The following SARNP variants were observed in gnomAD, a reference collection of about 807,000 sequenced individuals.
The protein encoded by SARNP is SAP domain-containing ribonucleoprotein.
SARNP carries 5 observed loss-of-function variants against 38.1 expected under a neutral mutation model. The ratio of observed to expected loss-of-function variants is 0.13; its 90% CI spans 0.07 to 0.28. The LOEUF is 0.28. Among genes scored for constraint, SARNP ranks in the 10% least tolerant of loss-of-function variants. The probability of loss-of-function intolerance (pLI) is 1.00; values close to 1 mark genes in which losing one functional copy is unlikely to be tolerated. For synonymous variants in SARNP, 84 were observed against 80.6 expected (o/e 1.04, Z -0.23); for missense variants, 180 against 243.9 (o/e 0.74, Z 1.75).
At chr12:55,798,423 G>A (rs967493378) in intron 4 of SARNP, among the ~76,000 whole-genome samples, 9 of 152,184 alleles carry the variant, frequency 5.9e-5, no homozygotes, top group African/African-American at 1.4e-4. Flanking sequence ...TGCTTGAGCC[G>A]GGAAACGGAG....
At chr12:55,788,830 T>A (rs527241203) in intron 9 of SARNP, among the ~76,000 whole-genome samples, 1 of 152,062 alleles carries the variant, frequency 6.6e-6, no homozygotes, top group East Asian at 1.9e-4. Flanking sequence ...AAAAGAAATG[T>A]AGACCACGCT....
intron 10 of SARNP, 62 bp downstream of exon 10, chr12:55,760,489 A>C: frequency 1.1e-6 from 1 of 890,154 alleles, no homozygotes; most frequent in Non-Finnish European, 1.9e-6. Flanking sequence ...ATATTTCTCC[A>C]TTCAGTTTAT....
chr12:55,785,755 G>A (rs1879472522), intron 9 of SARNP, among the ~76,000 whole-genome samples: 1 of 148,198 alleles, frequency 6.7e-6, no homozygotes, highest in South Asian at 2.2e-4. Context: ...CAGCCTGGGT[G>A]ACAGAACAAA....
chr12:55,788,985 A>G, intron 9 of SARNP, 90 bp downstream of exon 9: 1 of 813,344 alleles, frequency 1.2e-6, no homozygotes, highest in Non-Finnish European at 2.1e-6. Flanking sequence ...GTAGCCAGCT[A>G]CATTCTCAGG....
chr12:55,757,924 T>C (rs1338253445), intron 10 of SARNP, among the ~76,000 whole-genome samples: 3 of 152,056 alleles, frequency 2.0e-5, no homozygotes, highest in Non-Finnish European at 4.4e-5. Context: ...TTCCAGTCAA[T>C]GGGGAGACGG....
At chr12:55,796,814 T>C (rs1458305882) in intron 4 of SARNP, among the ~76,000 whole-genome samples, 1 of 152,218 alleles carries the variant, frequency 6.6e-6, no homozygotes, top group Admixed American at 6.5e-5. Context: ...TTTCCTTCTT[T>C]TAAAAATCCC....
At chr12:55,810,162 G>A (rs1239950191) in intron 1 of SARNP, among the ~76,000 whole-genome samples, 1 of 152,132 alleles carries the variant, frequency 6.6e-6, no homozygotes, top group African/African-American at 2.4e-5. Flanking sequence ...GCCCAGACTG[G>A]AATGCAGCAG....
At chr12:55,789,472 T>C (rs1879599440) in intron 8 of SARNP, among the ~76,000 whole-genome samples, 1 of 152,154 alleles carries the variant, frequency 6.6e-6, no homozygotes, top group African/African-American at 2.4e-5. Flanking sequence ...CCATTCACAA[T>C]CCAAAATCAT....
intron 9 of SARNP, among the ~76,000 whole-genome samples, chr12:55,763,384 T>C (rs1379817151): frequency 1.5e-4 from 23 of 151,640 alleles, no homozygotes; most frequent in Non-Finnish European, 3.2e-4. Context: ...CCATCTTGGC[T>C]CAATGCAGTC....
rs1423979428 is a variant in SARNP at position 55,800,545 on chromosome 12, A to T, written c.251+17T>A. On this transcript the variant is annotated intron_variant, in intron 4 of 10. Transcript: ENST00000336133. ...GCTGCCTGCTCTGTACTCAGATTAT[A>T]AAAAAGGGATAATTACACATCAACA... is the stretch of plus-strand genomic sequence containing the variant. 2 of 1,540,900 alleles carry T rather than the reference A, an allele frequency of 1.3e-6. No individual in the cohort carries two copies. The highest frequency in any genetic ancestry group is 2.3e-5 in the South Asian group (2 of 87,564).
chr12:55,767,004 T>C (rs1355634929), intron 9 of SARNP, among the ~76,000 whole-genome samples: 1 of 152,166 alleles, frequency 6.6e-6, no homozygotes. Flanking sequence ...TATTTTCCAT[T>C]GTAGAATACA....
intron 7 of SARNP, among the ~76,000 whole-genome samples, chr12:55,791,184 G>A (rs1470733076): frequency 6.6e-6 from 1 of 152,188 alleles, no homozygotes; most frequent in Non-Finnish European, 1.5e-5. Flanking sequence ...GGCTGGGCAG[G>A]GAGAGGTAAT....
chr12:55,762,809 C>A (rs1878716099), intron 9 of SARNP, among the ~76,000 whole-genome samples: 2 of 152,172 alleles, frequency 1.3e-5, no homozygotes, highest in Admixed American at 1.3e-4. Context: ...ACAGCAGCCA[C>A]CTGTACAAAT....
intron 10 of SARNP, among the ~76,000 whole-genome samples, chr12:55,758,032 A>C (rs560406582): frequency 6.6e-6 from 1 of 152,094 alleles, no homozygotes; most frequent in Non-Finnish European, 1.5e-5. Flanking sequence ...ATTCCTTAGG[A>C]CTCCAACCCA....
chr12:55,783,063 T>C (rs984109499), intron 9 of SARNP, among the ~76,000 whole-genome samples: 3 of 151,982 alleles, frequency 2.0e-5, no homozygotes, highest in African/African-American at 7.2e-5. Flanking sequence ...TGAGCTATCA[T>C]TGCGCCACTG....
At chr12:55,758,429 G>A (rs999117045) in intron 10 of SARNP, among the ~76,000 whole-genome samples, 19 of 152,084 alleles carry the variant, frequency 1.2e-4, no homozygotes, top group South Asian at 4.2e-4. Context: ...GGCAGATCAC[G>A]AGGTCAGGAG....
intron 6 of SARNP, 81 bp from the exon 7 acceptor site, chr12:55,794,468 G>A (rs1215800626): frequency 8.4e-7 from 1 of 1,193,362 alleles, no homozygotes; most frequent in East Asian, 2.4e-5. Flanking sequence ...GTATACATAT[G>A]ACACTTCTTG....
chr12:55,786,717 G>A (rs1318544389), intron 9 of SARNP, among the ~76,000 whole-genome samples: 1 of 152,088 alleles, frequency 6.6e-6, no homozygotes, highest in Non-Finnish European at 1.5e-5. Flanking sequence ...CCAAAGTGCT[G>A]GGATTACAGG....
At chr12:55,798,525 A>T (rs1879884156) in intron 4 of SARNP, among the ~76,000 whole-genome samples, 1 of 152,172 alleles carries the variant, frequency 6.6e-6, no homozygotes, top group Admixed American at 6.5e-5. Context: ...GGGATATTTG[A>T]CAAAAATCTA....
Sources: gnomAD v4.1 joint callset for allele counts (sites outside exome capture counted in the v4.1 genomes callset) on GRCh38, gnomAD v4.1.1 for gene constraint, MANE v1.5 for transcripts, NCBI Gene and HGNC (gene_info 2026-07-23, HGNC 2026-07-21) for gene names.